Variants in HS6ST3 observed in about 807,000 individuals in gnomAD.
The protein encoded by HS6ST3 is heparan sulfate 6-O-sulfotransferase 3.
In HS6ST3, 12 loss-of-function variants were observed where a neutral mutation model predicts 36.7. The ratio of observed to expected loss-of-function variants is 0.33; its 90% confidence interval spans 0.21 to 0.53. HS6ST3 has a LOEUF of 0.53. Ranked by LOEUF, HS6ST3 falls within the 20% of genes least tolerant of loss-of-function variation. The pLI is 0.95. For missense variants in HS6ST3, 584 were observed against 640.9 expected (o/e 0.91, Z 0.96); for synonymous variants, 240 against 257.5 (o/e 0.93, Z 0.65).
chr13:96,122,361 A>C (rs1458811405), intron 1 of HS6ST3, among the ~76,000 whole-genome samples: 2 of 152,014 alleles, frequency 1.3e-5, no homozygotes, highest in Non-Finnish European at 2.9e-5. Context: ...TGTTCTTCTA[A>C]ATCTATTATT....
In HS6ST3 at chr13:96,720,333, A is replaced by G. The variant is rs1177898686; in HGVS notation, c.708-112157A>G. On this transcript the variant is annotated intron_variant, in intron 1 of 1. Transcript: ENST00000376705. Reference sequence around the variant, plus strand: ...TGGATATAGTAGGTAGTAATTAAGTACAGAAGGGAGAGACTAAACCTACAG... The same window carrying G: ...TGGATATAGTAGGTAGTAATTAAGTGCAGAAGGGAGAGACTAAACCTACAG... Among the ~76,000 whole-genome samples the G allele has an allele frequency of 2.0e-5, 3 of 152,206 alleles. No homozygotes were observed. The East Asian group carries it at 5.8e-4, about 29-fold the overall frequency.
intron 1 of HS6ST3, among the ~76,000 whole-genome samples, chr13:96,641,891 GC>G (rs531280921): frequency 3.0e-4 from 45 of 151,780 alleles, no homozygotes; most frequent in Middle Eastern, 6.8e-3. Context: ...TTATGAAATT[GC>G]CTTTTCTGAT....
chr13:96,742,912 G>A (rs1467655077), intron 1 of HS6ST3, among the ~76,000 whole-genome samples: 2 of 152,018 alleles, frequency 1.3e-5, no homozygotes, highest in African/African-American at 4.8e-5. Flanking sequence ...CTGAATGTAG[G>A]GAATATTGAG....
At chr13:96,626,012 A>AT (rs71117603) in intron 1 of HS6ST3, among the ~76,000 whole-genome samples, 6 of 149,366 alleles carry the variant, frequency 4.0e-5, no homozygotes, top group Non-Finnish European at 7.4e-5. Flanking sequence ...AATTTTTTGT[A>AT]TTTTTTTTTT....
chr13:96,487,070 C>A (rs952818273), intron 1 of HS6ST3, among the ~76,000 whole-genome samples: 3 of 152,022 alleles, frequency 2.0e-5, no homozygotes, highest in East Asian at 1.9e-4. Context: ...CAATTACAAT[C>A]AAAGACCATT....
chr13:96,211,147 G>A (rs1290792188), intron 1 of HS6ST3, among the ~76,000 whole-genome samples: 1 of 152,150 alleles, frequency 6.6e-6, no homozygotes, highest in Non-Finnish European at 1.5e-5. Flanking sequence ...GGCTAGGCTG[G>A]TCTCGAACTC....
chr13:96,101,579 C>A (rs577697638), intron 1 of HS6ST3, among the ~76,000 whole-genome samples: 4 of 151,860 alleles, frequency 2.6e-5, no homozygotes, highest in African/African-American at 7.2e-5. Flanking sequence ...GGCACAAGAA[C>A]CCTCAATTCA....
chr13:96,170,300 G>A, intron 1 of HS6ST3, among the ~76,000 whole-genome samples: 1 of 152,240 alleles, frequency 6.6e-6, no homozygotes, highest in East Asian at 1.9e-4. Flanking sequence ...CAGGAACCAG[G>A]AAAGTTTGAT....
chr13:96,815,487 A>G (rs1009359597), intron 1 of HS6ST3, among the ~76,000 whole-genome samples: 3 of 152,056 alleles, frequency 2.0e-5, no homozygotes, highest in South Asian at 2.1e-4. Context: ...AACCCGTAAC[A>G]TCTCTCAGTG....
intron 1 of HS6ST3, among the ~76,000 whole-genome samples, chr13:96,118,212 A>T (rs1215653288): frequency 6.6e-6 from 1 of 152,110 alleles, no homozygotes. Flanking sequence ...TTGAAAAAAT[A>T]AGTAAGGCTA....
At chr13:96,793,795 G>T (rs1877847453) in intron 1 of HS6ST3, among the ~76,000 whole-genome samples, 1 of 152,000 alleles carries the variant, frequency 6.6e-6, no homozygotes, top group South Asian at 2.1e-4. Context: ...GATCTTTAGA[G>T]TCTGCTACAT....
chr13:96,234,899 T>C (rs2054527100), intron 1 of HS6ST3, among the ~76,000 whole-genome samples: 1 of 152,200 alleles, frequency 6.6e-6, no homozygotes. Flanking sequence ...ATTCCCATTT[T>C]CTATGCCTAA....
intron 1 of HS6ST3, among the ~76,000 whole-genome samples, chr13:96,747,319 A>G (rs1876585262): frequency 6.6e-6 from 1 of 152,118 alleles, no homozygotes; most frequent in African/African-American, 2.4e-5. Context: ...GATCAATTAT[A>G]TTTAGCTTTT....
chr13:96,370,568 T>A (rs951428921), intron 1 of HS6ST3, among the ~76,000 whole-genome samples: 9 of 152,200 alleles, frequency 5.9e-5, no homozygotes, highest in Non-Finnish European at 1.2e-4. Flanking sequence ...CCAGACCCTC[T>A]CAAGGGTAAT....
intron 1 of HS6ST3, among the ~76,000 whole-genome samples, chr13:96,592,728 T>C (rs1290592943): frequency 1.3e-5 from 2 of 152,086 alleles, no homozygotes; most frequent in Non-Finnish European, 2.9e-5. Context: ...ATATTTTTTT[T>C]CCCTTAAGCT....
chr13:96,153,023 G>A (rs149875190), intron 1 of HS6ST3, among the ~76,000 whole-genome samples: 1,720 of 152,228 alleles, frequency 0.011, 18 homozygotes, highest in Middle Eastern at 0.044. Context: ...CTCTTCAGTA[G>A]CACCTGAAAT....
At chr13:96,396,396 C>A (rs1051949168) in intron 1 of HS6ST3, among the ~76,000 whole-genome samples, 1 of 152,120 alleles carries the variant, frequency 6.6e-6, no homozygotes, top group Non-Finnish European at 1.5e-5. Context: ...TAATTCATTT[C>A]TTTCCAATTC....
intron 1 of HS6ST3, among the ~76,000 whole-genome samples, chr13:96,152,501 C>T (rs9590364): frequency 6.6e-6 from 1 of 151,948 alleles, no homozygotes; most frequent in Non-Finnish European, 1.5e-5. Flanking sequence ...CCACGCCCGG[C>T]TAATTTTTTG....
At chr13:96,506,646 C>T (rs984806201) in intron 1 of HS6ST3, among the ~76,000 whole-genome samples, 10 of 152,126 alleles carry the variant, frequency 6.6e-5, no homozygotes, top group Admixed American at 6.6e-4. Flanking sequence ...ATTTCTGCTC[C>T]TGTGAAACTG....
Sources: gnomAD v4.1 joint callset for allele counts (sites outside exome capture counted in the v4.1 genomes callset) on GRCh38, gnomAD v4.1.1 for gene constraint, MANE v1.5 for transcripts, NCBI Gene and HGNC (gene_info 2026-07-23, HGNC 2026-07-21) for gene names.